GNB1: variants seen among roughly 807,000 people sequenced by gnomAD.
The protein encoded by GNB1 is G protein subunit beta 1.
In GNB1, 2 loss-of-function variants were observed where a neutral mutation model predicts 42.9. That is an observed-to-expected ratio of 0.05 (90% CI 0.02 to 0.15). The LOEUF (loss-of-function observed/expected upper bound fraction) is 0.15. Ranked by LOEUF, GNB1 falls within the 10% of genes least tolerant of loss-of-function variation. GNB1 has a pLI of 1.00. For missense variants in GNB1, 193 were observed against 462.2 expected (o/e 0.42, Z 5.34); for synonymous variants, 183 against 174.7 (o/e 1.05, Z -0.38).
intron 1 of GNB1, among the ~76,000 whole-genome samples, chr1:1,888,190 GA>G (rs1207477550): frequency 2.0e-5 from 3 of 152,164 alleles, no homozygotes; most frequent in Non-Finnish European, 2.9e-5. Context: ...GCTCTTTTGA[GA>G]AAGTCAATTC....
chr1:1,835,841 G>A (rs114415348), intron 2 of GNB1, among the ~76,000 whole-genome samples: 149 of 148,350 alleles, frequency 1.0e-3, no homozygotes, highest in African/African-American at 3.4e-3. Context: ...CCGAGGCAAG[G>A]CAGGAGGATC....
chr1:1,857,130 G>GA (rs1648348243), intron 1 of GNB1, among the ~76,000 whole-genome samples: 1 of 152,158 alleles, frequency 6.6e-6, no homozygotes, highest in East Asian at 1.9e-4. Context: ...TCTAGAAATG[G>GA]AAAATTAAAA....
chr1:1,839,003 C>G (rs1416392519), intron 2 of GNB1, among the ~76,000 whole-genome samples, 187 bp downstream of exon 2: 1 of 152,106 alleles, frequency 6.6e-6, no homozygotes, highest in Non-Finnish European at 1.5e-5. Flanking sequence ...TGTCTATAGC[C>G]TCAGCTACTC....
intron 1 of GNB1, among the ~76,000 whole-genome samples, chr1:1,883,222 T>C (rs998912934): frequency 7.0e-6 from 1 of 142,474 alleles, no homozygotes; most frequent in African/African-American, 2.6e-5. Flanking sequence ...CAGTGAACCA[T>C]GATCATACCA....
At chr1:1,806,106 T>TCTTCTAAAAACTTGTAA (rs1646692544) in intron 6 of GNB1, among the ~76,000 whole-genome samples, 2 of 152,188 alleles carry the variant, frequency 1.3e-5, no homozygotes, top group Admixed American at 6.6e-5. Context: ...TCAGATGATC[T>TCTTCTAAAAACTTGTAA]CTTCTAAAAA....
At chr1:1,797,421 A>G (rs555756828) in intron 7 of GNB1, among the ~76,000 whole-genome samples, 58 of 152,188 alleles carry the variant, frequency 3.8e-4, no homozygotes, top group African/African-American at 1.3e-3. Flanking sequence ...AAAGATGATG[A>G]TTCAAAGTTC....
chr1:1,845,842 C>G (rs1317045340), intron 1 of GNB1, among the ~76,000 whole-genome samples: 252 of 82,646 alleles, frequency 3.0e-3, no homozygotes, highest in Middle Eastern at 0.011. Context: ...CACACACACA[C>G]ACACACACAC....
chr1:1,822,624 ATTT>A (rs367702506), intron 3 of GNB1, among the ~76,000 whole-genome samples: 1 of 151,944 alleles, frequency 6.6e-6, no homozygotes, highest in African/African-American at 2.4e-5. Flanking sequence ...CTCTTTTTAC[ATTT>A]TTTATGTGGC....
At chr1:1,799,328 T>C (rs936366874) in intron 7 of GNB1, among the ~76,000 whole-genome samples, 4 of 152,222 alleles carry the variant, frequency 2.6e-5, no homozygotes, top group African/African-American at 9.6e-5. Context: ...TTCTAAAATA[T>C]TCCTACTAAT....
At chr1:1,793,361 C>A (rs376397856) in intron 7 of GNB1, 50 bp from the exon 8 acceptor site, 2 of 1,299,892 alleles carry the variant, frequency 1.5e-6, no homozygotes, top group African/African-American at 2.9e-5. Flanking sequence ...AGGCCTTGCA[C>A]CCAGCCTCAT....
chr1:1,877,298 C>CAAA (rs67155402), intron 1 of GNB1, among the ~76,000 whole-genome samples: 1 of 124,746 alleles, frequency 8.0e-6, no homozygotes, highest in African/African-American at 2.7e-5. Context: ...GACTCTGTCT[C>CAAA]AAAAAAAAAA....
chr1:1,864,539 G>T (rs902490407), intron 1 of GNB1, among the ~76,000 whole-genome samples: 3 of 151,988 alleles, frequency 2.0e-5, no homozygotes, highest in African/African-American at 7.3e-5. Context: ...CTGGCCTGTA[G>T]GTTAACTTCA....
At chr1:1,823,379 C>T (rs1646958467) in intron 3 of GNB1, among the ~76,000 whole-genome samples, 1 of 151,740 alleles carries the variant, frequency 6.6e-6, no homozygotes, top group African/African-American at 2.4e-5. Flanking sequence ...CAACACTTTG[C>T]TTTTCTTTTT....
intron 3 of GNB1, 127 bp from the exon 4 acceptor site, chr1:1,818,002 G>T: frequency 1.4e-6 from 1 of 708,594 alleles, no homozygotes. Flanking sequence ...GTGAAAGAAC[G>T]GCAGAGTCTC....
At chr1:1,828,759 T>G (rs1647032970) in intron 2 of GNB1, among the ~76,000 whole-genome samples, 1 of 152,128 alleles carries the variant, frequency 6.6e-6, no homozygotes, top group Non-Finnish European at 1.5e-5. Flanking sequence ...TAAAAAGGCG[T>G]ATTCCTGGCT....
chr1:1,870,073 C>A (rs954807300), intron 1 of GNB1, among the ~76,000 whole-genome samples: 7 of 152,168 alleles, frequency 4.6e-5, no homozygotes, highest in Non-Finnish European at 1.0e-4. Flanking sequence ...ATTGGCCAGG[C>A]TGGTCTCGAT....
chr1:1,792,185 A>C (rs1457233434), intron 8 of GNB1, among the ~76,000 whole-genome samples: 1 of 152,182 alleles, frequency 6.6e-6, no homozygotes, highest in East Asian at 1.9e-4. Context: ...GCTTCCGTTT[A>C]CCTGTAAGGT....
intron 1 of GNB1, among the ~76,000 whole-genome samples, chr1:1,881,807 G>A (rs535824298): frequency 6.6e-6 from 1 of 152,160 alleles, no homozygotes; most frequent in African/African-American, 2.4e-5. Flanking sequence ...GCTCTTATGC[G>A]CTTGATAAAT....
In GNB1 at chr1:1,786,737, A is replaced by G. The variant is rs938503754; in HGVS notation, c.*326T>C. On this transcript the variant is annotated 3_prime_UTR_variant, in exon 12 of 12. Transcript: ENST00000378609. ...GGTGGAAAAGTGTGTCTGTCTGACA[A>G]TTACACTCAAGTTTACCTTCTGGTT... The G allele has an allele frequency of 1.3e-5, 2 of 152,228 alleles. No homozygotes were observed. The highest frequency in any genetic ancestry group is 2.9e-5 in the Non-Finnish European group (2 of 68,046). 9.4% of individuals were successfully genotyped at this position (152,228 alleles called of 1,614,324 possible). A position where few individuals can be genotyped will look rare whatever the true frequency, so the allele number is the denominator to read the frequency against.
Sources: gnomAD v4.1 joint callset for allele counts (sites outside exome capture counted in the v4.1 genomes callset) on GRCh38, gnomAD v4.1.1 for gene constraint, MANE v1.5 for transcripts, NCBI Gene and HGNC (gene_info 2026-07-23, HGNC 2026-07-21) for gene names.